ANKFY1: variants seen among roughly 807,000 people sequenced by gnomAD.
The protein encoded by ANKFY1 is ankyrin repeat and FYVE domain-containing protein 1.
Under a neutral mutation model 128.3 loss-of-function variants are expected in ANKFY1, and 47 were observed. The observed-to-expected ratio is 0.37, with a 90% CI of 0.29 to 0.47. The LOEUF (loss-of-function observed/expected upper bound fraction) is 0.47, where lower values mean the gene tolerates loss of function less well. ANKFY1 is among the 20% of genes least tolerant of loss of function. The pLI is 1.00. For synonymous variants in ANKFY1, 553 were observed against 601.6 expected (o/e 0.92, Z 1.18); for missense variants, 1,222 against 1,510.6 (o/e 0.81, Z 3.17).
At chr17:4,256,468 G>T (rs1598158525) in intron 1 of ANKFY1, among the ~76,000 whole-genome samples, 1 of 152,062 alleles carries the variant, frequency 6.6e-6, no homozygotes, top group Non-Finnish European at 1.5e-5. Context: ...ACTGTGCAGG[G>T]TTCTCCAGGT....
intron 11 of ANKFY1, among the ~76,000 whole-genome samples, chr17:4,186,050 C>T (rs1170045167): frequency 6.6e-6 from 1 of 152,200 alleles, no homozygotes; most frequent in Non-Finnish European, 1.5e-5. Context: ...AGTTTCCTCT[C>T]ACATTTGGAA....
chr17:4,231,322 C>G (rs1408691814), intron 3 of ANKFY1, among the ~76,000 whole-genome samples: 2 of 152,004 alleles, frequency 1.3e-5, no homozygotes, highest in African/African-American at 4.8e-5. Flanking sequence ...ACAGCAAGAG[C>G]CCATCTCTAT....
chr17:4,229,008 T>A (rs1029825685), intron 3 of ANKFY1, among the ~76,000 whole-genome samples: 1 of 152,160 alleles, frequency 6.6e-6, no homozygotes, highest in African/African-American at 2.4e-5. Context: ...AACTGCTATG[T>A]AAAAACTTGC....
chr17:4,263,502 A>T, intron 1 of ANKFY1: 1 of 1,011,708 alleles, frequency 9.9e-7, no homozygotes. Flanking sequence ...CAGCCCGAGG[A>T]GACCCACGCT....
At chr17:4,230,535 T>A (rs1193284297) in intron 3 of ANKFY1, among the ~76,000 whole-genome samples, 2 of 152,192 alleles carry the variant, frequency 1.3e-5, no homozygotes, top group Admixed American at 1.3e-4. Flanking sequence ...TATAATACTT[T>A]CCTTGTGGAC....
At chr17:4,261,260 C>T (rs925697972) in intron 1 of ANKFY1, among the ~76,000 whole-genome samples, 1 of 152,110 alleles carries the variant, frequency 6.6e-6, no homozygotes, top group Non-Finnish European at 1.5e-5. Context: ...AGGCCGAGGC[C>T]GGCAGATCAG....
intron 1 of ANKFY1, among the ~76,000 whole-genome samples, chr17:4,262,971 G>C (rs1968502617): frequency 6.6e-6 from 1 of 152,128 alleles, no homozygotes; most frequent in South Asian, 2.1e-4. Flanking sequence ...AAACCAACAG[G>C]AAAGGTCGTG....
chr17:4,257,516 T>C (rs1968190920), intron 1 of ANKFY1, among the ~76,000 whole-genome samples: 1 of 152,088 alleles, frequency 6.6e-6, no homozygotes, highest in Non-Finnish European at 1.5e-5. Flanking sequence ...CTCTCCTCAA[T>C]CTCATGTCCC....
rs1219481588 is a variant in ANKFY1, at chr17:4,163,843, G to A, written c.*3936C>T. On this transcript the variant is annotated 3_prime_UTR_variant, in exon 25 of 25. Coordinates refer to ENST00000341657, the MANE Select transcript of ANKFY1 (RefSeq NM_001330063.2). ...GAGTTTTCTAAAATTTGTTTTTAAT[G>A]CTTATTGGTACTTCTGCATTAGAAG... 1 of 152,632 alleles carries A rather than the reference G, an allele frequency of 6.6e-6. No individual in the cohort carries two copies. Among genetic ancestry groups the A allele is most frequent in the Non-Finnish European group, 1.5e-5 (1 of 68,036 alleles). The allele number at this position is 152,632 out of a possible 1,614,324, so 9.5% of individuals were successfully genotyped here.
chr17:4,227,838 A>T, intron 3 of ANKFY1, among the ~76,000 whole-genome samples: 1 of 152,220 alleles, frequency 6.6e-6, no homozygotes, highest in East Asian at 1.9e-4. Flanking sequence ...CTAAAATTGT[A>T]AACAAAAACC....
At chr17:4,242,584 T>A (rs1486925139) in intron 1 of ANKFY1, 136 bp from the exon 2 acceptor site, 2 of 754,658 alleles carry the variant, frequency 2.7e-6, no homozygotes, top group Non-Finnish European at 4.0e-6. Context: ...TTAGTGATAG[T>A]CCTACAGGAT....
chr17:4,252,033 T>TA (rs537446947), intron 1 of ANKFY1, among the ~76,000 whole-genome samples: 2,634 of 94,222 alleles, frequency 0.028, 55 homozygotes, highest in African/African-American at 0.063. Flanking sequence ...GACTCCGTCT[T>TA]AAAAAAAAAA....
At chr17:4,214,434 C>G (rs544597904) in intron 4 of ANKFY1, among the ~76,000 whole-genome samples, 4 of 152,048 alleles carry the variant, frequency 2.6e-5, no homozygotes, top group African/African-American at 9.6e-5. Flanking sequence ...GCAAGACAGA[C>G]AGACTTTCAC....
chr17:4,247,114 T>TAA (rs113145218), intron 1 of ANKFY1, among the ~76,000 whole-genome samples: 1 of 135,076 alleles, frequency 7.4e-6, no homozygotes, highest in Non-Finnish European at 1.6e-5. Flanking sequence ...GACCCTGTCT[T>TAA]AAAAAAAAAA....
intron 17 of ANKFY1, 48 bp downstream of exon 17, chr17:4,179,673 C>T (rs767865729): frequency 1.3e-6 from 2 of 1,599,920 alleles, no homozygotes; most frequent in East Asian, 2.2e-5. Flanking sequence ...GGAGGCTTCC[C>T]TCATGCTGGG....
rs1365297569 is a variant in ANKFY1 at position 4,195,422 on chromosome 17, G to T, written c.1153C>A (p.Gln385Lys). ...IMAGNEYVFS[Q>K]LLQCKQLDLE... The stretch of plus-strand genomic sequence containing the variant: ...ACGTACTGTTTGCACTGCAGCAGCT[G>T]ACTGAACACATATTCATTCCCGGCC... Residue 385 changes from glutamine to lysine, a missense_variant, in exon 9 of 25, where the codon CAG becomes AAG. By Grantham distance (53) the Gln-to-Lys change is moderately conservative. Coordinates refer to ENST00000341657, the MANE Select transcript of ANKFY1 (RefSeq NM_001330063.2). 1.2e-6 allele frequency: 2 copies of T among 1,614,100 alleles called. No homozygotes were observed. The highest frequency in any genetic ancestry group is 1.6e-4 in the Middle Eastern group (1 of 6,062).
chr17:4,189,717 G>GTA (rs2059681965), intron 10 of ANKFY1, among the ~76,000 whole-genome samples: 1 of 152,036 alleles, frequency 6.6e-6, no homozygotes, highest in African/African-American at 2.4e-5. Context: ...ACGCCAGACA[G>GTA]TAGGCCCACG....
chr17:4,195,143 T>C lies in ANKFY1; in HGVS notation c.1207A>G (p.Thr403Ala). ...TGCTGCACTGCCAGCCACAGAGCCG[T>C]GCTGCCCTCGTGGTCTTTGAGTTCT... ...DLELKDHEGS[T>A]ALWLAVQHIT... is the part of the protein sequence containing the mutation. The change falls in exon 10 of 25, where the codon ACG becomes GCG. Residue 403 changes from threonine to alanine, a missense_variant. Coordinates refer to ENST00000341657, the MANE Select transcript of ANKFY1 (RefSeq NM_001330063.2). The C allele has an allele frequency of 6.2e-7, 1 of 1,612,162 alleles. No individual in the cohort carries two copies. Among genetic ancestry groups the C allele is most frequent in the Non-Finnish European group, 8.5e-7 (1 of 1,178,360 alleles).
At chr17:4,253,385 G>A (rs969711338) in intron 1 of ANKFY1, among the ~76,000 whole-genome samples, 1 of 152,196 alleles carries the variant, frequency 6.6e-6, no homozygotes, top group African/African-American at 2.4e-5. Context: ...GTGGTTATAT[G>A]ACTGTATATA....
Sources: allele counts gnomAD v4.1 joint callset (sites outside exome capture counted in the v4.1 genomes callset), GRCh38; gene constraint gnomAD v4.1.1; transcripts MANE v1.5; gene names NCBI Gene and HGNC (gene_info 2026-07-23, HGNC 2026-07-21).